The following CEP170B variants were observed in gnomAD, a reference collection of about 807,000 sequenced individuals.
The protein encoded by CEP170B is centrosomal protein 170B.
A neutral mutation model predicts 120.6 loss-of-function variants in CEP170B; 55 were observed. The observed-to-expected ratio is 0.46, with a 90% CI of 0.37 to 0.57. CEP170B has a LOEUF of 0.57. Ranked by LOEUF, CEP170B falls within the 20% of genes least tolerant of loss-of-function variation. The pLI is 0.00. For synonymous variants in CEP170B, 1,033 were observed against 954.5 expected (o/e 1.08, Z -1.52); for missense variants, 2,212 against 2,253.3 (o/e 0.98, Z 0.37).
At chr14:104,878,001 T>C (rs1188576116) in intron 4 of CEP170B, 38 bp downstream of exon 4, 2 of 1,537,404 alleles carry the variant, frequency 1.3e-6, no homozygotes, top group East Asian at 4.6e-5. Context: ...CTGGGCTTCT[T>C]CTCAGTCCCC....
intron 13 of CEP170B, among the ~76,000 whole-genome samples, chr14:104,892,012 C>T (rs1866825): frequency 0.62 from 94,443 of 151,810 alleles, 32,233 homozygotes; most frequent in Middle Eastern, 0.85. Context: ...GTTGTGGTGC[C>T]GCTGGAGGTA....
rs1595366146 is a variant in CEP170B at position 104,896,402 on chromosome 14, T to C, written c.*1444T>C. 2 of 366,184 alleles carry C rather than the reference T, an allele frequency of 5.5e-6. No homozygotes were observed. The highest frequency in any genetic ancestry group is 1.1e-5 in the Non-Finnish European group (2 of 183,870). 22.7% of individuals were successfully genotyped at this position (366,184 alleles called of 1,614,324 possible). On this transcript the variant is annotated 3_prime_UTR_variant, in exon 19 of 19. Transcript: ENST00000414716. ...CCTGCTGTCTGTATGGAGGAGGTGCTAGCCCGGTCCACCGGGCTGCTGCCC... is the reference window on the plus strand; with the variant it reads ...CCTGCTGTCTGTATGGAGGAGGTGCCAGCCCGGTCCACCGGGCTGCTGCCC...
In CEP170B at chr14:104,893,745, G is replaced by A. The variant is rs1595362781; in HGVS notation, c.4183-16G>A. On this transcript the variant is annotated splice_polypyrimidine_tract_variant and intron_variant, in intron 15 of 18. Coordinates refer to ENST00000414716, the MANE Select transcript of CEP170B (RefSeq NM_001112726.3). ...CTCCTCGAGGGCGGGGCCATGCTGA[G>A]GCCGGGCTCTTGCAGGTGATCTTCG... 6.2e-7 allele frequency: 1 copy of A among 1,601,492 alleles called. No homozygotes were observed.
rs1418549470 is a variant in CEP170B at position 104,867,098 on chromosome 14, T to C, written c.-27-1326T>C. Among the ~76,000 whole-genome samples, 2 of 152,190 alleles carry C rather than the reference T, an allele frequency of 1.3e-5. No homozygotes were observed. The highest frequency in any genetic ancestry group is 2.9e-5 in the Non-Finnish European group (2 of 68,036). On this transcript the variant is annotated intron_variant, in intron 1 of 18. Coordinates refer to ENST00000414716, the MANE Select transcript of CEP170B (RefSeq NM_001112726.3). This position sits in a 1 kb window ranked among gnomAD's most constrained non-coding sequence, Gnocchi z 5.4. ...CTCCTTCTCAGTTTTTGAATAAGGG[T>C]ACCGCGTTTTCTTTTTGTGCTGGGC... is the stretch of plus-strand genomic sequence containing the variant.
At position 104,886,710 on chromosome 14, in the gene CEP170B, A is replaced by G. The variant is rs1438426967; in HGVS notation, c.2471A>G (p.Gln824Arg). The G allele has an allele frequency of 6.3e-7, 1 of 1,593,360 alleles. No homozygotes were observed. Among genetic ancestry groups the G allele is most frequent in the Non-Finnish European group, 8.6e-7 (1 of 1,169,276 alleles). ...CCAGGGGATGGGGAGGGCCTAGGGC[A>G]GACAGCCCAGCCCAGCCCCCCAGCA... is the stretch of plus-strand genomic sequence containing the variant. ...AAPGDGEGLG[Q>R]TAQPSPPARD... The change falls in exon 12 of 19, where the codon CAG (glutamine) becomes CGG (arginine). Residue 824 changes from glutamine to arginine, a missense_variant. Physicochemically the swap from Gln to Arg is conservative, Grantham distance 43 (BLOSUM62 1). Coordinates refer to ENST00000414716, the MANE Select transcript of CEP170B (RefSeq NM_001112726.3).
Position 104,889,647 on chromosome 14 carries a change from C to T in CEP170B, c.3767C>T (p.Ser1256Phe), listed in dbSNP as rs756101651. The T allele has an allele frequency of 1.2e-6, 2 of 1,612,014 alleles. No individual in the cohort carries two copies. The highest frequency in any genetic ancestry group is 1.7e-6 in the Non-Finnish European group (2 of 1,179,750). Residue 1256 changes from serine to phenylalanine, a missense_variant, in exon 13 of 19, where the codon TCC becomes TTC. Around this residue, in one of 2 missense-constraint regions of CEP170B, gnomAD observed 2,166 missense variants for 2,166.7 expected, o/e 1.00. Transcript: ENST00000414716. ...ACTCAGACCCCGAGGGCTGGCAGCT[C>T]CAGCCGGGCTCGTTCCCGGGCCCCC... Reference protein sequence around the residue: ...STTQTPRAGSSSRARSRAPGP... With the variant: ...STTQTPRAGSFSRARSRAPGP...
intron 3 of CEP170B, among the ~76,000 whole-genome samples, 195 bp downstream of exon 3, chr14:104,876,540 C>T (rs1231621167): frequency 6.6e-6 from 1 of 151,232 alleles, no homozygotes. Flanking sequence ...GCTCTGGCTC[C>T]TCCCCCAGCC....
At chr14:104,871,369 G>C (rs1895476654) in intron 2 of CEP170B, among the ~76,000 whole-genome samples, 1 of 150,820 alleles carries the variant, frequency 6.6e-6, no homozygotes, top group Non-Finnish European at 1.5e-5. Flanking sequence ...CCTTCCCTCT[G>C]CTCAGTGCCA....
intron 2 of CEP170B, among the ~76,000 whole-genome samples, chr14:104,872,428 C>CAT (rs1895601931): frequency 1.0e-4 from 3 of 29,182 alleles, no homozygotes; most frequent in Admixed American, 9.5e-4. Flanking sequence ...GTGTGCCGTG[C>CAT]GTGTGTGCGT....
rs755707593 is a variant in CEP170B, at chr14:104,887,794, C to T, written c.3555C>T (p.Asp1185=). Residue 1185 remains aspartate (D), a synonymous_variant, in exon 12 of 19, where the codon GAC becomes GAT. Coordinates refer to ENST00000414716, the MANE Select transcript of CEP170B (RefSeq NM_001112726.3). ...KRAGSFTGTS[D]PEAAPARTSF... is the part of the protein sequence containing the mutation. ...CCGGCTCCTTCACAGGGACTAGTGACCCCGAGGCAGCCCCTGCCCGCACCA... is the reference window on the plus strand; with the variant it reads ...CCGGCTCCTTCACAGGGACTAGTGATCCCGAGGCAGCCCCTGCCCGCACCA... 1.8e-5 allele frequency: 28 copies of T among 1,586,380 alleles called. No homozygotes were observed. The highest frequency in any genetic ancestry group is 2.3e-5 in the Non-Finnish European group (27 of 1,168,704).
At chr14:104,876,767 G>A (rs1188124038) in intron 3 of CEP170B, among the ~76,000 whole-genome samples, 1 of 152,246 alleles carries the variant, frequency 6.6e-6, no homozygotes, top group African/African-American at 2.4e-5. Flanking sequence ...TGGGGAATGG[G>A]GCCCCTGAAA....
At chr14:104,889,849 CCTT>C (rs1896701908) in intron 13 of CEP170B, 91 bp downstream of exon 13, 9 of 1,381,926 alleles carry the variant, frequency 6.5e-6, no homozygotes, top group Non-Finnish European at 8.9e-6. Flanking sequence ...CTGGGAGCTC[CCTT>C]CTTGAGTGGA....
chr14:104,884,250 G>A lies in CEP170B; in HGVS notation c.1471G>A (p.Gly491Arg), dbSNP rs749802920. The part of the protein sequence containing the change: ...PASRTPARPF[G>R]SVGRRSRLAQ... ...CTCCCGAACCCCTGCCCGCCCCTTC[G>A]GAAGCGTGGGGCGCCGCTCCCGCCT... Residue 491 changes from glycine (G) to arginine (R), a missense_variant, in exon 9 of 19, where the codon GGA (glycine) becomes AGA (arginine). Around this residue, in one of 2 missense-constraint regions of CEP170B, gnomAD observed 2,166 missense variants for 2,166.7 expected, o/e 1.00. Transcript: ENST00000414716. 26 of 1,543,850 alleles carry A rather than the reference G, an allele frequency of 1.7e-5. No homozygotes were observed. Among genetic ancestry groups the A allele is most frequent in the African/African-American group, 2.7e-5 (2 of 72,992 alleles).
chr14:104,876,544 C>T (rs1895861101), intron 3 of CEP170B, among the ~76,000 whole-genome samples, 199 bp downstream of exon 3: 4 of 150,542 alleles, frequency 2.7e-5, no homozygotes, highest in African/African-American at 4.9e-5. Flanking sequence ...TGGCTCCTCC[C>T]CCAGCCCTGG....
At position 104,885,497 on chromosome 14, in the gene CEP170B, G is replaced by T; in HGVS notation, c.1899G>T (p.Glu633Asp). 6.4e-7 allele frequency: 1 copy of T among 1,567,282 alleles called. No homozygotes were observed. The change falls in exon 10 of 19, where the codon GAG (glutamate) becomes GAT (aspartate). Residue 633 changes from glutamate (E) to aspartate (D), a missense_variant. Glu to Asp is a conservative substitution (Grantham distance 45). Coordinates refer to ENST00000414716, the MANE Select transcript of CEP170B (RefSeq NM_001112726.3). Reference sequence around the variant, plus strand: ...CCCAGCGGATGGCGCTACTGCAGGAGTTTGCCTCCCGGCCACTGGGTGCGG... The same window carrying T: ...CCCAGCGGATGGCGCTACTGCAGGATTTTGCCTCCCGGCCACTGGGTGCGG... ...GVAQRMALLQEFASRPLGAAP... is the reference protein window; with the variant it reads ...GVAQRMALLQDFASRPLGAAP...
intron 5 of CEP170B, 129 bp from the exon 6 acceptor site, chr14:104,880,158 A>G (rs1896071049): frequency 2.3e-6 from 3 of 1,294,954 alleles, no homozygotes; most frequent in East Asian, 5.1e-5. Context: ...TTTGGGGAGC[A>G]TTAGGGAGAG....
In CEP170B at chr14:104,882,839, C is replaced by A; in HGVS notation, c.577+7C>A. 6.2e-7 allele frequency: 1 copy of A among 1,610,008 alleles called. No homozygotes were observed. The highest frequency in any genetic ancestry group is 8.5e-7 in the Non-Finnish European group (1 of 1,178,568). ...CAGGGAGAGCCCTACCCAGGTTGGT[C>A]TTGGGGCCAGGCTGGTGAGACCCTG... On this transcript the variant is annotated splice_region_variant and intron_variant, in intron 7 of 18. Transcript: ENST00000414716.
chr14:104,876,285 C>G lies in CEP170B; in HGVS notation c.135C>G (p.Val45=). The change falls in exon 3 of 19, where the codon GTC becomes GTG. Residue 45 remains valine, a synonymous_variant. Coordinates refer to ENST00000414716, the MANE Select transcript of CEP170B (RefSeq NM_001112726.3). ...GCAGCGTGGACAAGCAGCATGCCGT[C>G]ATCAACTACGACCAGGACAGGGACG... is the stretch of plus-strand genomic sequence containing the variant. ...QSRSVDKQHA[V]INYDQDRDEH... is the part of the protein sequence containing the mutation. 6.4e-7 allele frequency: 1 copy of G among 1,550,924 alleles called. No homozygotes were observed. The highest frequency in any genetic ancestry group is 8.7e-7 in the Non-Finnish European group (1 of 1,146,842).
At chr14:104,893,988 C>A in intron 16 of CEP170B, 139 bp downstream of exon 16, 1 of 828,666 alleles carries the variant, frequency 1.2e-6, no homozygotes. Flanking sequence ...CTCCCGTGTG[C>A]ACGTGTATGT....
Sources: gnomAD v4.1 joint callset for allele counts (sites outside exome capture counted in the v4.1 genomes callset) on GRCh38, gnomAD v4.1.1 for gene constraint, gnomAD v4.1.1 regional missense constraint, Gnocchi (gnomAD v3.1) non-coding constraint, MANE v1.5 for transcripts, NCBI Gene and HGNC (gene_info 2026-07-23, HGNC 2026-07-21) for gene names.